The following PPP2R3A variants were observed in gnomAD, a reference collection of about 807,000 sequenced individuals.
The protein encoded by PPP2R3A is serine/threonine-protein phosphatase 2A regulatory subunit B'' subunit alpha.
In PPP2R3A, 80 loss-of-function variants were observed where a neutral mutation model predicts 106.9. That is an observed-to-expected ratio of 0.75 (90% CI 0.62 to 0.90). The LOEUF is 0.90. Ranked by LOEUF, PPP2R3A falls within the 40% of genes least tolerant of loss-of-function variation. The pLI, the probability that PPP2R3A is intolerant of heterozygous loss-of-function variation, is 0.00. For synonymous variants in PPP2R3A, 483 were observed against 468.3 expected (o/e 1.03, Z -0.41); for missense variants, 1,386 against 1,350.4 (o/e 1.03, Z -0.41).
At chr3:136,086,918 C>T (rs1357000984) in intron 8 of PPP2R3A, among the ~76,000 whole-genome samples, 1 of 152,054 alleles carries the variant, frequency 6.6e-6, no homozygotes, top group Non-Finnish European at 1.5e-5. Context: ...TGTTAAAGAA[C>T]AGGCTGGGCA....
chr3:136,074,521 G>A (rs897069590), intron 6 of PPP2R3A, among the ~76,000 whole-genome samples: 2 of 152,206 alleles, frequency 1.3e-5, no homozygotes, highest in Non-Finnish European at 2.9e-5. Context: ...TGCAAAAATT[G>A]CCAGTGAATA....
In PPP2R3A at chr3:136,002,367, A is replaced by G. The variant is rs1933662513; in HGVS notation, c.869A>G (p.Lys290Arg). ...NVMTRLASYL[K>R]KLPFEFMQSG... ...ATGACCAGGTTAGCATCCTATCTGA[A>G]AAAGTTACCATTTGAATTCATGCAG... Residue 290 changes from lysine to arginine, a missense_variant, in exon 2 of 14, where the codon AAA (lysine) becomes AGA (arginine). By Grantham distance (26) the Lys-to-Arg change is conservative. Coordinates refer to ENST00000264977, the MANE Select transcript of PPP2R3A (RefSeq NM_002718.5). 1 of 1,613,894 alleles carries G rather than the reference A, an allele frequency of 6.2e-7. No homozygotes were observed. The highest frequency in any genetic ancestry group is 8.5e-7 in the Non-Finnish European group (1 of 1,179,916).
chr3:136,075,429 T>A (rs1374486804), intron 6 of PPP2R3A, among the ~76,000 whole-genome samples: 2 of 152,156 alleles, frequency 1.3e-5, no homozygotes, highest in East Asian at 3.8e-4. Flanking sequence ...GCCTCAGCCA[T>A]CTAAAGTGCT....
intron 13 of PPP2R3A, among the ~76,000 whole-genome samples, chr3:136,130,565 A>T (rs1001658509): frequency 1.3e-5 from 2 of 152,182 alleles, no homozygotes; most frequent in Non-Finnish European, 2.9e-5. Context: ...AATCAATATC[A>T]TGAAAATGGC....
chr3:136,068,040 C>T (rs988501973), intron 5 of PPP2R3A, among the ~76,000 whole-genome samples: 2 of 152,138 alleles, frequency 1.3e-5, no homozygotes, highest in Non-Finnish European at 2.9e-5. Flanking sequence ...GCCAGGGCAA[C>T]ATGGTGAAAC....
chr3:136,056,404 T>C (rs185461230), intron 5 of PPP2R3A, among the ~76,000 whole-genome samples: 27 of 152,252 alleles, frequency 1.8e-4, no homozygotes, highest in Admixed American at 7.2e-4. Context: ...GTGTTAATAA[T>C]TGAGGAATCT....
intron 4 of PPP2R3A, among the ~76,000 whole-genome samples, chr3:136,041,689 T>C (rs1035676686): frequency 2.0e-5 from 3 of 152,236 alleles, no homozygotes; most frequent in African/African-American, 4.8e-5. Flanking sequence ...AATTTAGAAT[T>C]ATATATAGTT....
intron 1 of PPP2R3A, among the ~76,000 whole-genome samples, chr3:135,984,495 A>G (rs894198599): frequency 9.9e-5 from 15 of 152,152 alleles, no homozygotes; most frequent in African/African-American, 3.6e-4. Context: ...CTCACTTCGA[A>G]TTGTAATCCC....
At chr3:136,110,778 T>G (rs1937580696) in intron 13 of PPP2R3A, among the ~76,000 whole-genome samples, 2 of 152,234 alleles carry the variant, frequency 1.3e-5, no homozygotes, top group Admixed American at 1.3e-4. Context: ...AAAACTATTT[T>G]TAGCTCACAG....
At chr3:136,106,776 T>C (rs908111866) in intron 13 of PPP2R3A, 2 of 161,262 alleles carry the variant, frequency 1.2e-5, no homozygotes, top group African/African-American at 4.8e-5. Context: ...ACAAAAAAAT[T>C]AGCCGGGTAT....
chr3:135,969,755 T>G (rs757609841), intron 1 of PPP2R3A, among the ~76,000 whole-genome samples: 3 of 152,204 alleles, frequency 2.0e-5, no homozygotes, highest in Non-Finnish European at 4.4e-5. Context: ...TAGTTGCCAA[T>G]ATTTTAAAAT....
intron 5 of PPP2R3A, among the ~76,000 whole-genome samples, chr3:136,065,743 A>G (rs570503272): frequency 1.1e-4 from 17 of 152,332 alleles, no homozygotes; most frequent in African/African-American, 3.4e-4. Context: ...TGGCACCATC[A>G]CAGCTCAGTG....
intron 8 of PPP2R3A, among the ~76,000 whole-genome samples, chr3:136,083,693 CAT>C (rs979890995): frequency 4.9e-4 from 74 of 152,308 alleles, no homozygotes; most frequent in African/African-American, 1.7e-3. Context: ...AAGACAGGAA[CAT>C]GTGGGAAAGT....
chr3:136,104,380 C>T (rs922887842), intron 12 of PPP2R3A, among the ~76,000 whole-genome samples: 2 of 150,858 alleles, frequency 1.3e-5, no homozygotes, highest in African/African-American at 4.9e-5. Flanking sequence ...GATCTCGGCT[C>T]ACCGCAACCT....
At chr3:135,969,381 G>A (rs1486533370) in intron 1 of PPP2R3A, among the ~76,000 whole-genome samples, 5 of 152,178 alleles carry the variant, frequency 3.3e-5, no homozygotes, top group Admixed American at 3.3e-4. Context: ...ATGGTACAAG[G>A]GTTGAGAGGG....
chr3:136,110,621 T>C (rs1377891099), intron 13 of PPP2R3A, among the ~76,000 whole-genome samples: 1 of 152,234 alleles, frequency 6.6e-6, no homozygotes, highest in Non-Finnish European at 1.5e-5. Context: ...TTTGTGGGCC[T>C]CTGCCACAAC....
chr3:135,979,316 T>G (rs1576407456), intron 1 of PPP2R3A, among the ~76,000 whole-genome samples: 1 of 151,414 alleles, frequency 6.6e-6, no homozygotes, highest in African/African-American at 2.5e-5. Context: ...GAGGCGGAGG[T>G]TGCGGTGAGC....
At chr3:136,127,086 T>C (rs1938209281) in intron 13 of PPP2R3A, among the ~76,000 whole-genome samples, 1 of 152,220 alleles carries the variant, frequency 6.6e-6, no homozygotes, top group South Asian at 2.1e-4. Flanking sequence ...CTGAAAATTC[T>C]ACAAATCAGA....
chr3:135,997,976 C>G (rs1416305624), intron 1 of PPP2R3A, among the ~76,000 whole-genome samples: 1 of 152,236 alleles, frequency 6.6e-6, no homozygotes, highest in Non-Finnish European at 1.5e-5. Flanking sequence ...TACTCTTACT[C>G]TCTAGCCTAA....
Sources: allele counts gnomAD v4.1 joint callset (sites outside exome capture counted in the v4.1 genomes callset), GRCh38; gene constraint gnomAD v4.1.1; transcripts MANE v1.5; gene names NCBI Gene and HGNC (gene_info 2026-07-23, HGNC 2026-07-21).